The following ARHGAP17 variants were observed in gnomAD, a reference collection of about 807,000 sequenced individuals.
ARHGAP17 encodes the protein rho GTPase-activating protein 17.
ARHGAP17 carries 57 observed loss-of-function variants against 99.5 expected under a neutral mutation model. That is an observed-to-expected ratio of 0.57 (90% CI 0.46 to 0.71). The LOEUF is 0.71. Among genes scored for constraint, ARHGAP17 ranks in the 30% least tolerant of loss-of-function variants. ARHGAP17 has a pLI of 0.00. For synonymous variants in ARHGAP17, 417 were observed against 429.6 expected (o/e 0.97, Z 0.36); for missense variants, 1,000 against 1,122.4 (o/e 0.89, Z 1.56).
intron 1 of ARHGAP17, among the ~76,000 whole-genome samples, chr16:25,007,740 T>C (rs1380818508): frequency 2.0e-5 from 3 of 152,212 alleles, no homozygotes; most frequent in Non-Finnish European, 4.4e-5. Flanking sequence ...AGCCAGATAA[T>C]GCTTTCAGAT....
chr16:24,943,847 C>A lies in ARHGAP17; in HGVS notation c.1257G>T (p.Met419Ile). ...WARNEGTLAE[M>I]AAATSVHVVA... ...CCACATGGACGGATGTGGCTGCTGCCATTTCAGCAAGTGTTCTGCAAAGCA... is the reference window on the plus strand; with the variant it reads ...CCACATGGACGGATGTGGCTGCTGCAATTTCAGCAAGTGTTCTGCAAAGCA... Residue 419 changes from methionine (M) to isoleucine (I), a missense_variant, in exon 15 of 20, where the codon ATG becomes ATT. Around this residue, in one of 2 missense-constraint regions of ARHGAP17, gnomAD observed 472 missense variants for 611.1 expected, o/e 0.77. Transcript: ENST00000289968. 2 of 1,614,142 alleles carry A rather than the reference C, an allele frequency of 1.2e-6. No individual in the cohort carries two copies. Among genetic ancestry groups the A allele is most frequent in the Non-Finnish European group, 1.7e-6 (2 of 1,180,014 alleles).
At position 25,002,104 on chromosome 16, in the gene ARHGAP17, A is replaced by G. The variant is rs547894728; in HGVS notation, c.53+13105T>C. Among the ~76,000 whole-genome samples the G allele has an allele frequency of 3.3e-5, 5 of 152,118 alleles. 1 individual carries two copies. The South Asian group carries it at 1.0e-3, about 32-fold the overall frequency. On this transcript the variant is annotated intron_variant, in intron 1 of 19. Transcript: ENST00000289968. ...TAAAAAAAAAAAAAATGTTGATGCA[A>G]ACATATACACACACCCAAAGCCATA...
chr16:24,973,350 T>C (rs2052424197), intron 3 of ARHGAP17, among the ~76,000 whole-genome samples: 1 of 152,160 alleles, frequency 6.6e-6, no homozygotes, highest in African/African-American at 2.4e-5. Context: ...TATGAGGCCT[T>C]TGGGAGGTTC....
At chr16:24,948,409 T>C (rs2051536952) in intron 13 of ARHGAP17, among the ~76,000 whole-genome samples, 1 of 152,156 alleles carries the variant, frequency 6.6e-6, no homozygotes, top group Admixed American at 6.6e-5. Flanking sequence ...ACTGGGTGGC[T>C]GGGGTATGGG....
chr16:24,982,667 G>A (rs2052708114), intron 1 of ARHGAP17, among the ~76,000 whole-genome samples: 1 of 152,036 alleles, frequency 6.6e-6, no homozygotes, highest in African/African-American at 2.4e-5. Flanking sequence ...ACTGGTCCAA[G>A]CCTTGGTGCT....
chr16:24,938,615 T>TA (rs1441980724), intron 17 of ARHGAP17, among the ~76,000 whole-genome samples: 5 of 150,594 alleles, frequency 3.3e-5, no homozygotes, highest in Admixed American at 1.3e-4. Context: ...TTTACAAAAA[T>TA]AAAAAAATTA....
intron 19 of ARHGAP17, among the ~76,000 whole-genome samples, chr16:24,922,227 T>C (rs1261374249): frequency 2.6e-5 from 4 of 152,228 alleles, no homozygotes; most frequent in African/African-American, 9.6e-5. Flanking sequence ...AGCCCAGAGT[T>C]TACCAGAAAC....
At chr16:24,952,780 T>C in intron 11 of ARHGAP17, 151 bp downstream of exon 11, 1 of 660,104 alleles carries the variant, frequency 1.5e-6, no homozygotes, top group Non-Finnish European at 2.7e-6. Flanking sequence ...CATTACATTG[T>C]ATATACACTA....
chr16:24,933,994 T>G (rs2051066062), intron 18 of ARHGAP17, among the ~76,000 whole-genome samples: 1 of 152,080 alleles, frequency 6.6e-6, no homozygotes, highest in South Asian at 2.1e-4. Context: ...CCTGATAAGA[T>G]GACAGGGCCC....
Position 24,929,673 on chromosome 16 carries a change from A to G in ARHGAP17, c.2515+1111T>C, listed in dbSNP as rs561908080. ...CTAGGAAGGGCATCTATTGGGAAACAAAACAAACAAACCAACATGGCTTTG... is the reference window on the plus strand; with the variant it reads ...CTAGGAAGGGCATCTATTGGGAAACGAAACAAACAAACCAACATGGCTTTG... On this transcript the variant is annotated intron_variant, in intron 19 of 19. Coordinates refer to ENST00000289968, the MANE Select transcript of ARHGAP17 (RefSeq NM_001006634.3). 3.6e-3 allele frequency: 3,603 copies of G among 987,822 alleles called. 8 individuals are homozygous for G. Among genetic ancestry groups the G allele is most frequent in the Middle Eastern group, 0.011 (38 of 3,544 alleles). 61.2% of individuals were successfully genotyped at this position (987,822 alleles called of 1,614,324 possible).
At chr16:24,926,704 A>G (rs759061794) in intron 19 of ARHGAP17, among the ~76,000 whole-genome samples, 2 of 152,244 alleles carry the variant, frequency 1.3e-5, no homozygotes, top group Non-Finnish European at 2.9e-5. Context: ...GGTACAGTGG[A>G]CTAACGCCTC....
intron 2 of ARHGAP17, among the ~76,000 whole-genome samples, chr16:24,977,636 G>A (rs1450969181): frequency 1.3e-5 from 2 of 152,168 alleles, no homozygotes; most frequent in Non-Finnish European, 2.9e-5. Flanking sequence ...GACAGAAGCA[G>A]CAAAATAAAC....
intron 19 of ARHGAP17, among the ~76,000 whole-genome samples, chr16:24,923,062 C>T (rs1280889842): frequency 6.6e-6 from 1 of 152,156 alleles, no homozygotes; most frequent in African/African-American, 2.4e-5. Flanking sequence ...CTCACTGAAC[C>T]CCCACTAACT....
chr16:24,927,481 C>T (rs2050871935), intron 19 of ARHGAP17, among the ~76,000 whole-genome samples: 2 of 152,204 alleles, frequency 1.3e-5, no homozygotes, highest in African/African-American at 2.4e-5. Context: ...CCTGTGACCA[C>T]CTGTTCCACA....
At chr16:25,003,203 T>C (rs1003116033) in intron 1 of ARHGAP17, among the ~76,000 whole-genome samples, 1 of 141,438 alleles carries the variant, frequency 7.1e-6, no homozygotes, top group Non-Finnish European at 1.5e-5. Flanking sequence ...ACAGGGCAAA[T>C]AAAACAAGAG....
chr16:24,959,947 C>T lies in ARHGAP17; in HGVS notation c.606G>A (p.Met202Ile). 6.2e-7 allele frequency: 1 copy of T among 1,613,914 alleles called. No homozygotes were observed. Among genetic ancestry groups the T allele is most frequent in the Non-Finnish European group, 8.5e-7 (1 of 1,179,878 alleles). ...DQLAADMYNF[M>I]AKEGEYGKFF... is the part of the protein sequence containing the mutation. ...ATTTGCCATACTCCCCTTCTTTGGCCATAAAGTTGTACATGTCTGCTGCAA... is the reference window on the plus strand; with the variant it reads ...ATTTGCCATACTCCCCTTCTTTGGCTATAAAGTTGTACATGTCTGCTGCAA... Residue 202 changes from methionine (M) to isoleucine (I), a missense_variant, in exon 8 of 20, where the codon ATG becomes ATA. Transcript: ENST00000289968.
chr16:24,961,189 G>A (rs1451617824), intron 7 of ARHGAP17, among the ~76,000 whole-genome samples: 1 of 151,398 alleles, frequency 6.6e-6, no homozygotes. Context: ...TGTCACATAT[G>A]TATAAAAATA....
Position 24,962,846 on chromosome 16 carries a change from T to G in ARHGAP17, c.573+1351A>C, listed in dbSNP as rs903660156. On this transcript the variant is annotated intron_variant, in intron 7 of 19. Transcript: ENST00000289968. ...ACTAGAACTTCAGAAATGGAAAATA[T>G]AGTCAATGAAATTAAAAACTCAGTG... is the stretch of plus-strand genomic sequence containing the variant. Among the ~76,000 whole-genome samples the G allele has an allele frequency of 3.3e-5, 5 of 152,302 alleles. No homozygotes were observed. The South Asian group carries it at 8.3e-4, about 25-fold the overall frequency.
intron 19 of ARHGAP17, among the ~76,000 whole-genome samples, chr16:24,927,099 CG>C (rs2050862278): frequency 6.6e-6 from 1 of 152,034 alleles, no homozygotes; most frequent in South Asian, 2.1e-4. Context: ...GGTGAAGCCC[CG>C]TCTCTACTAA....
Sources: allele counts gnomAD v4.1 joint callset (sites outside exome capture counted in the v4.1 genomes callset), GRCh38; gene constraint gnomAD v4.1.1; regional missense constraint gnomAD v4.1.1; transcripts MANE v1.5; gene names NCBI Gene and HGNC (gene_info 2026-07-23, HGNC 2026-07-21).